The following SDK2 variants were observed in gnomAD, a reference collection of about 807,000 sequenced individuals.
SDK2 encodes the protein protein sidekick-2.
A neutral mutation model predicts 253.9 loss-of-function variants in SDK2; 105 were observed. That is an observed-to-expected ratio of 0.41 (90% CI 0.35 to 0.49). The LOEUF is 0.49. SDK2 is among the 20% of genes least tolerant of loss of function. The pLI, the probability that SDK2 is intolerant of heterozygous loss-of-function variation, is 0.06. For missense variants in SDK2, 2,608 were observed against 3,003.0 expected, an observed-to-expected ratio of 0.87 and a Z score of 3.07; for synonymous variants, 1,249 against 1,234.9, an observed-to-expected ratio of 1.01 and a Z score of -0.24.
At chr17:73,600,671 T>C (rs1468751536) in intron 1 of SDK2, among the ~76,000 whole-genome samples, 2 of 152,202 alleles carry the variant, frequency 1.3e-5, no homozygotes, top group Non-Finnish European at 2.9e-5. Context: ...ATCCAGTCGA[T>C]GCGGACAACT....
chr17:73,357,545 T>G (rs2062601794), intron 40 of SDK2: 1 of 229,304 alleles, frequency 4.4e-6, no homozygotes, highest in Non-Finnish European at 8.5e-6. Context: ...GGTGTCAGGA[T>G]GGGTGAAACC....
chr17:73,421,823 C>T (rs8078395), intron 15 of SDK2, among the ~76,000 whole-genome samples: 3,781 of 152,070 alleles, frequency 0.025, 160 homozygotes, highest in African/African-American at 0.085. Flanking sequence ...AGCCTCCTGA[C>T]GTGCTGGGAT....
rs879848701 is a variant in SDK2, at chr17:73,495,646, T to TGTGTG, written c.224+11791_224+11792insCACAC. On this transcript the variant is annotated intron_variant, in intron 2 of 44. Coordinates refer to ENST00000392650, the MANE Select transcript of SDK2 (RefSeq NM_001144952.2). Reference sequence around the variant, plus strand: ...TGTGTGTGTGTGTGTGTGTGTGTGTTTGTTTGTGTATGTGTGTGTGTGCAT... The same window carrying TGTGTG: ...TGTGTGTGTGTGTGTGTGTGTGTGTTGTGTGTGTTTGTGTATGTGTGTGTGTGCAT... Among the ~76,000 whole-genome samples the TGTGTG allele has an allele frequency of 2.7e-3, 324 of 119,880 alleles. 1 individual carries two copies. The highest frequency in any genetic ancestry group is 6.1e-3 in the African/African-American group (187 of 30,722). The allele number at this position is 119,880 out of a possible 152,430, so 78.6% of individuals were successfully genotyped here. A position where few individuals can be genotyped will look rare whatever the true frequency, so the allele number is the denominator to read the frequency against.
rs1348465708 is a variant in SDK2 at position 73,566,315 on chromosome 17, A to ATGTGTG, written c.65-58719_65-58718insCACACA. On this transcript the variant is annotated intron_variant, in intron 1 of 44. Transcript: ENST00000392650. Reference sequence around the variant, plus strand: ...TATAAGCCAAATAAAATTCTTATATATATATGTGTGTGTGTGTGTGTGTGT... The same window carrying ATGTGTG: ...TATAAGCCAAATAAAATTCTTATATATGTGTGTATATGTGTGTGTGTGTGTGTGTGT... Among the ~76,000 whole-genome samples the ATGTGTG allele has an allele frequency of 3.8e-3, 427 of 111,800 alleles. 3 individuals carry two copies. Among genetic ancestry groups the ATGTGTG allele is most frequent in the African/African-American group, 0.017 (418 of 23,974 alleles). The allele number at this position is 111,800 out of a possible 152,430, so 73.3% of individuals were successfully genotyped here.
In SDK2 at chr17:73,639,452, G is replaced by A. The variant is rs572047707; in HGVS notation, c.64+4573C>T. ...GGGACACCTAGGGGAGGGGGCACCCGGGGTGTCTCGGCAACCAGCTTGTTT... is the reference window on the plus strand; with the variant it reads ...GGGACACCTAGGGGAGGGGGCACCCAGGGTGTCTCGGCAACCAGCTTGTTT... On this transcript the variant is annotated intron_variant, in intron 1 of 44. Coordinates refer to ENST00000392650, the MANE Select transcript of SDK2 (RefSeq NM_001144952.2). The surrounding 1 kb of genome is among the most constrained non-coding windows in gnomAD (Gnocchi z 4.3). 7.9e-5 allele frequency among the ~76,000 whole-genome samples: 12 copies of A among 152,312 alleles called. No individual in the cohort carries two copies. In the East Asian group the frequency reaches 1.7e-3, roughly 22 times the overall value.
chr17:73,529,665 G>A lies in SDK2; in HGVS notation c.65-22068C>T, dbSNP rs9910808. Among the ~76,000 whole-genome samples, 481 of 152,176 alleles carry A rather than the reference G, an allele frequency of 3.2e-3. 3 individuals carry two copies. The highest frequency in any genetic ancestry group is 0.011 in the African/African-American group (459 of 41,510). Reference sequence around the variant, plus strand: ...ACCAGGTGAAGCCACAGAGACACACGGGGAAGATGACCATGGGAAGACAAA... The same window carrying A: ...ACCAGGTGAAGCCACAGAGACACACAGGGAAGATGACCATGGGAAGACAAA... On this transcript the variant is annotated intron_variant, in intron 1 of 44. Coordinates refer to ENST00000392650, the MANE Select transcript of SDK2 (RefSeq NM_001144952.2).
chr17:73,626,388 A>G (rs28433324), intron 1 of SDK2, among the ~76,000 whole-genome samples: 53,295 of 152,088 alleles, frequency 0.35, 9,569 homozygotes, highest in African/African-American at 0.41. Flanking sequence ...GGGCTGGGCA[A>G]ATGCACGGCG....
Position 73,387,817 on chromosome 17 carries a change from G to A in SDK2, c.4394+19C>T, listed in dbSNP as rs2062885653. On this transcript the variant is annotated intron_variant, in intron 30 of 44. Coordinates refer to ENST00000392650, the MANE Select transcript of SDK2 (RefSeq NM_001144952.2). Reference sequence around the variant, plus strand: ...GGGGAGAGGGGCAGTGGGGATGCTGGCATGGACCCGAGCCTTACCTGTCCA... The same window carrying A: ...GGGGAGAGGGGCAGTGGGGATGCTGACATGGACCCGAGCCTTACCTGTCCA... 1 of 1,533,368 alleles carries A rather than the reference G, an allele frequency of 6.5e-7. No individual in the cohort carries two copies. The highest frequency in any genetic ancestry group is 1.2e-5 in the South Asian group (1 of 81,742). 95.0% of individuals were successfully genotyped at this position (1,533,368 alleles called of 1,614,324 possible).
In SDK2 at chr17:73,395,198, G is replaced by A. The variant is rs146726977; in HGVS notation, c.3549C>T (p.Ser1183=). 226 of 1,609,150 alleles carry A rather than the reference G, an allele frequency of 1.4e-4. No individual in the cohort carries two copies. In the Middle Eastern group the frequency reaches 1.8e-3, roughly 13 times the overall value. The change falls in exon 25 of 45, where the codon AGC becomes AGT. Residue 1183 remains serine (S), a synonymous_variant. Coordinates refer to ENST00000392650, the MANE Select transcript of SDK2 (RefSeq NM_001144952.2). The surrounding 1 kb of genome is among the most constrained non-coding windows in gnomAD (Gnocchi z 4.3). ...VQVQAFNAIG[S]GPWSQTVVGR... is the part of the protein sequence containing the mutation. ...CCACCACCGTCTGGCTCCAGGGCCC[G>A]CTCCCGATGGCGTTGAAGGCCTGGA...
intron 1 of SDK2, among the ~76,000 whole-genome samples, chr17:73,596,367 G>C (rs1482403854): frequency 6.6e-6 from 1 of 152,172 alleles, no homozygotes; most frequent in East Asian, 1.9e-4. Flanking sequence ...CCCTGGAGAG[G>C]GGCATGACAC....
chr17:73,472,343 C>G (rs1360635510), intron 2 of SDK2, 125 bp from the exon 3 acceptor site: 1 of 648,008 alleles, frequency 1.5e-6, no homozygotes, highest in African/African-American at 1.8e-5. Flanking sequence ...CCAGGGAACT[C>G]TTGACTCTCT....
At chr17:73,553,032 C>T (rs778610603) in intron 1 of SDK2, among the ~76,000 whole-genome samples, 12 of 152,360 alleles carry the variant, frequency 7.9e-5, no homozygotes, top group Non-Finnish European at 1.2e-4. Flanking sequence ...CCAGGTAGGG[C>T]AGACGGCTGC....
chr17:73,603,846 C>T (rs928857660), intron 1 of SDK2, among the ~76,000 whole-genome samples: 1 of 152,200 alleles, frequency 6.6e-6, no homozygotes, highest in African/African-American at 2.4e-5. Context: ...ACACCTGGAA[C>T]CTTGTAAGGA....
chr17:73,568,028 G>T (rs1360097470), intron 1 of SDK2, among the ~76,000 whole-genome samples: 2 of 152,198 alleles, frequency 1.3e-5, no homozygotes, highest in Non-Finnish European at 2.9e-5. Context: ...AATTTAGGAG[G>T]CCAGGAGTGG....
intron 2 of SDK2, among the ~76,000 whole-genome samples, chr17:73,501,779 A>T (rs2145748513): frequency 6.6e-6 from 1 of 152,304 alleles, no homozygotes; most frequent in African/African-American, 2.4e-5. Context: ...AACAGGTACC[A>T]TTCATGTCAC....
At chr17:73,486,446 C>CA (rs904541446) in intron 2 of SDK2, among the ~76,000 whole-genome samples, 3 of 151,602 alleles carry the variant, frequency 2.0e-5, no homozygotes, top group African/African-American at 7.3e-5. Context: ...CTATCTCTAC[C>CA]AAAAAATAAA....
chr17:73,514,224 G>A (rs1016150855), intron 1 of SDK2, among the ~76,000 whole-genome samples: 2 of 152,166 alleles, frequency 1.3e-5, no homozygotes, highest in Admixed American at 6.5e-5. Flanking sequence ...CAGAGCCTGA[G>A]CTGCTTAAAT....
chr17:73,576,935 A>T (rs2045465442), intron 1 of SDK2, among the ~76,000 whole-genome samples: 1 of 152,210 alleles, frequency 6.6e-6, no homozygotes, highest in African/African-American at 2.4e-5. Context: ...ATGCCATGGG[A>T]ATCGCCAAGG....
intron 27 of SDK2, among the ~76,000 whole-genome samples, chr17:73,393,145 T>A (rs1386724958): frequency 7.0e-6 from 1 of 142,930 alleles, no homozygotes; most frequent in Admixed American, 7.6e-5. Flanking sequence ...CTCAGGAGGC[T>A]GAGGCAAGAG....
Sources: gnomAD v4.1 joint callset for allele counts (sites outside exome capture counted in the v4.1 genomes callset) on GRCh38, gnomAD v4.1.1 for gene constraint, Gnocchi (gnomAD v3.1) non-coding constraint, MANE v1.5 for transcripts, NCBI Gene and HGNC (gene_info 2026-07-23, HGNC 2026-07-21) for gene names.